The following SASH1 variants were observed in gnomAD, a reference collection of about 807,000 sequenced individuals.
SASH1 encodes SAM and SH3 domain containing 1, also known as SAM and SH3 domain-containing protein 1.
Under a neutral mutation model 125.2 loss-of-function variants are expected in SASH1, and 44 were observed. The ratio of observed to expected loss-of-function variants is 0.35; its 90% CI spans 0.28 to 0.45. The LOEUF is 0.45. Among genes scored for constraint, SASH1 ranks in the 20% least tolerant of loss-of-function variants. The pLI, the probability that SASH1 is intolerant of heterozygous loss-of-function variation, is 1.00. For missense variants in SASH1, 1,426 were observed against 1,614.5 expected, an observed-to-expected ratio of 0.88 and a Z score of 2.00; for synonymous variants, 639 against 649.1, an observed-to-expected ratio of 0.98 and a Z score of 0.24.
At chr6:148,312,532 A>G (rs1258363384) in intron 1 of SASH1, among the ~76,000 whole-genome samples, 1 of 152,118 alleles carries the variant, frequency 6.6e-6, no homozygotes, top group Non-Finnish European at 1.5e-5. Flanking sequence ...AACAACCAAA[A>G]AGCATGAAGG....
intron 1 of SASH1, among the ~76,000 whole-genome samples, chr6:148,281,941 G>T (rs112600251): frequency 6.6e-6 from 1 of 150,900 alleles, no homozygotes; most frequent in African/African-American, 2.4e-5. Flanking sequence ...AAAGGAAAAA[G>T]AAAAGAAAGA....
At chr6:148,406,759 A>C (rs1784391284) in intron 2 of SASH1, among the ~76,000 whole-genome samples, 1 of 152,152 alleles carries the variant, frequency 6.6e-6, no homozygotes, top group Non-Finnish European at 1.5e-5. Flanking sequence ...AGGGAGGAGC[A>C]GAGAGAATCA....
intron 8 of SASH1, among the ~76,000 whole-genome samples, chr6:148,500,818 G>A (rs144939724): frequency 1.8e-3 from 272 of 151,982 alleles, no homozygotes; most frequent in African/African-American, 6.3e-3. Context: ...TCTTCTTGGG[G>A]GGCTTTTGCT....
chr6:148,428,753 C>T (rs540696462), intron 2 of SASH1, among the ~76,000 whole-genome samples: 27 of 151,784 alleles, frequency 1.8e-4, no homozygotes, highest in Admixed American at 5.9e-4. Flanking sequence ...TGCAGAAATT[C>T]ACTGATCCCT....
intron 1 of SASH1, among the ~76,000 whole-genome samples, chr6:148,281,619 G>A (rs998983112): frequency 2.0e-4 from 30 of 152,108 alleles, no homozygotes; most frequent in African/African-American, 6.3e-4. Flanking sequence ...AGAAGTGACC[G>A]AATTTTAAAA....
chr6:148,416,371 A>C (rs35807201), intron 2 of SASH1, among the ~76,000 whole-genome samples: 1 of 151,324 alleles, frequency 6.6e-6, no homozygotes, highest in Non-Finnish European at 1.5e-5. Context: ...CTAGCTGTAC[A>C]CTCTTTTTGA....
At chr6:148,327,472 A>G (rs1780861649) in intron 1 of SASH1, among the ~76,000 whole-genome samples, 1 of 150,618 alleles carries the variant, frequency 6.6e-6, no homozygotes, top group South Asian at 2.1e-4. Flanking sequence ...TTTAGTAGAG[A>G]CGGGGTTTCA....
In SASH1 at chr6:148,508,870, C is replaced by T. The variant is rs930539667; in HGVS notation, c.730-5454C>T. On this transcript the variant is annotated intron_variant, in intron 8 of 19. Coordinates refer to ENST00000367467, the MANE Select transcript of SASH1 (RefSeq NM_015278.5). ...ATTACCCCTTAGGCTTGCTAAATGCCGAAGCCGGTAAGTCACTGAATGCGT... is the reference window on the plus strand; with the variant it reads ...ATTACCCCTTAGGCTTGCTAAATGCTGAAGCCGGTAAGTCACTGAATGCGT... 11 of 1,286,028 alleles carry T rather than the reference C, an allele frequency of 8.6e-6. No homozygotes were observed. The East Asian group carries it at 2.2e-4, about 26-fold the overall frequency. 79.7% of individuals were successfully genotyped at this position (1,286,028 alleles called of 1,614,324 possible).
chr6:148,512,586 A>C (rs1181943121), intron 8 of SASH1: 12 of 985,212 alleles, frequency 1.2e-5, no homozygotes, highest in Non-Finnish European at 1.4e-5. Flanking sequence ...AACTCAAACC[A>C]GACAAAACCA....
chr6:148,491,552 G>A (rs1176626561), intron 8 of SASH1, among the ~76,000 whole-genome samples: 2 of 152,176 alleles, frequency 1.3e-5, no homozygotes, highest in African/African-American at 4.8e-5. Context: ...TTACAGGCGT[G>A]AGCCACCGCA....
At chr6:148,425,736 C>A in intron 2 of SASH1, among the ~76,000 whole-genome samples, 1 of 133,414 alleles carries the variant, frequency 7.5e-6, no homozygotes, top group Non-Finnish European at 1.6e-5. Context: ...TCCCCTCCCC[C>A]TCCTCCTTTT....
chr6:148,226,996 A>C, the SASH1 span, among the ~76,000 whole-genome samples: 2 of 152,156 alleles, frequency 1.3e-5, no homozygotes, highest in Non-Finnish European at 2.9e-5. Context: ...TGGATTGATG[A>C]GCAGGGAAAC....
intron 2 of SASH1, among the ~76,000 whole-genome samples, chr6:148,419,242 A>G (rs1784945722): frequency 1.3e-5 from 2 of 152,330 alleles, no homozygotes; most frequent in South Asian, 4.1e-4. Flanking sequence ...TAAAATCTGT[A>G]CTGGGATGGG....
intron 1 of SASH1, among the ~76,000 whole-genome samples, chr6:148,379,681 G>A (rs1258611989): frequency 1.3e-5 from 2 of 152,152 alleles, no homozygotes; most frequent in African/African-American, 4.8e-5. Flanking sequence ...AGTGTTGGGT[G>A]TTGCAATAAT....
intron 2 of SASH1, among the ~76,000 whole-genome samples, chr6:148,402,675 C>CA (rs1784220749): frequency 6.8e-6 from 1 of 147,748 alleles, no homozygotes; most frequent in South Asian, 2.1e-4. Flanking sequence ...AATGCAGTGG[C>CA]ACGATCTTGG....
the SASH1 span, among the ~76,000 whole-genome samples, chr6:148,214,124 C>T: frequency 6.6e-6 from 1 of 152,144 alleles, no homozygotes; most frequent in Non-Finnish European, 1.5e-5. Flanking sequence ...TCACTCCACA[C>T]CAAGTGCAAT....
intron 1 of SASH1, among the ~76,000 whole-genome samples, chr6:148,362,716 C>T (rs916141779): frequency 1.3e-5 from 2 of 151,900 alleles, no homozygotes; most frequent in African/African-American, 4.8e-5. Flanking sequence ...GGTGTGGTGG[C>T]GTGTGACTGT....
At chr6:148,290,447 A>G (rs1269457900) in intron 1 of SASH1, among the ~76,000 whole-genome samples, 1 of 151,642 alleles carries the variant, frequency 6.6e-6, no homozygotes, top group Non-Finnish European at 1.5e-5. Flanking sequence ...TCTATTAAAA[A>G]TACAAAAAAT....
chr6:148,355,457 A>G (rs1781894269), intron 1 of SASH1, among the ~76,000 whole-genome samples: 1 of 152,230 alleles, frequency 6.6e-6, no homozygotes. Flanking sequence ...AATGATTCCT[A>G]AATGATATGT....
Sources: gnomAD v4.1 joint callset for allele counts (sites outside exome capture counted in the v4.1 genomes callset) on GRCh38, gnomAD v4.1.1 for gene constraint, MANE v1.5 for transcripts, NCBI Gene and HGNC (gene_info 2026-07-23, HGNC 2026-07-21) for gene names.